The following IQCK variants were observed in gnomAD, a reference collection of about 807,000 sequenced individuals.
The protein encoded by IQCK is IQ motif containing K.
In IQCK, 29 loss-of-function variants were observed where a neutral mutation model predicts 28.1. The ratio of observed to expected loss-of-function variants is 1.03; its 90% CI spans 0.77 to 1.41. IQCK has a LOEUF of 1.41. IQCK is among the 40% of genes most tolerant of loss of function. The pLI is 0.00. For synonymous variants in IQCK, 113 were observed against 115.1 expected, an observed-to-expected ratio of 0.98 and a Z score of 0.12; for missense variants, 359 against 314.7, an observed-to-expected ratio of 1.14 and a Z score of -1.07.
chr16:19,729,054 A>G (rs1187333608), intron 1 of IQCK, among the ~76,000 whole-genome samples: 1 of 152,238 alleles, frequency 6.6e-6, no homozygotes, highest in Non-Finnish European at 1.5e-5. Context: ...TTAGGGATAT[A>G]ACTAATACTG....
intron 9 of IQCK, among the ~76,000 whole-genome samples, chr16:19,837,084 A>T (rs1218213244): frequency 6.6e-6 from 1 of 152,226 alleles, no homozygotes; most frequent in East Asian, 1.9e-4. Flanking sequence ...AAAGCATTCA[A>T]CATATCATTA....
intron 7 of IQCK, among the ~76,000 whole-genome samples, chr16:19,806,376 T>TTA (rs754764152): frequency 1.3e-4 from 20 of 150,688 alleles, no homozygotes; most frequent in East Asian, 2.0e-4. Context: ...AAAAAATACA[T>TTA]TATATATATA....
intron 7 of IQCK, among the ~76,000 whole-genome samples, chr16:19,814,945 C>T (rs540305071): frequency 6.6e-6 from 1 of 151,916 alleles, no homozygotes; most frequent in Non-Finnish European, 1.5e-5. Context: ...CACCACCACA[C>T]TTGTCTAAAA....
intron 4 of IQCK, among the ~76,000 whole-genome samples, chr16:19,760,657 G>C (rs893718253): frequency 1.3e-5 from 2 of 152,006 alleles, no homozygotes; most frequent in African/African-American, 4.8e-5. Flanking sequence ...CTGGTCTCTC[G>C]TTAGCTGGAC....
chr16:19,856,302 TC>T (rs1227577183), intron 9 of IQCK, among the ~76,000 whole-genome samples, 184 bp from the exon 9 acceptor site: 1 of 152,184 alleles, frequency 6.6e-6, no homozygotes, highest in Non-Finnish European at 1.5e-5. Context: ...TCAGGTGCTG[TC>T]CTTAGAGCAC....
At chr16:19,753,287 C>T (rs1461677465) in intron 4 of IQCK, among the ~76,000 whole-genome samples, 6 of 151,878 alleles carry the variant, frequency 4.0e-5, no homozygotes, top group Non-Finnish European at 7.4e-5. Flanking sequence ...CTGAGCATTA[C>T]AGGTGGCATG....
chr16:19,813,845 A>T (rs1683970142), intron 7 of IQCK, among the ~76,000 whole-genome samples: 1 of 151,992 alleles, frequency 6.6e-6, no homozygotes, highest in South Asian at 2.1e-4. Flanking sequence ...GTTGTTTGGG[A>T]GGAGGCTGGA....
At chr16:19,811,716 T>C (rs1282121943) in intron 7 of IQCK, among the ~76,000 whole-genome samples, 1 of 152,238 alleles carries the variant, frequency 6.6e-6, no homozygotes, top group Admixed American at 6.5e-5. Flanking sequence ...GTGCCATTCA[T>C]GTGAGCAAGA....
At chr16:19,832,099 CAT>C (rs1308823279), downstream of IQCK, among the ~76,000 whole-genome samples, 1 of 151,624 alleles carries the variant, frequency 6.6e-6, no homozygotes, top group African/African-American at 2.4e-5. Context: ...TTTAGCCTCA[CAT>C]AGTCAGTAAT....
rs200270300 is a variant in IQCK at position 19,730,387 on chromosome 16, T to C, written c.182-43T>C. 904 of 1,421,022 alleles carry C rather than the reference T, an allele frequency of 6.4e-4. 8 individuals carry two copies. The South Asian group carries it at 9.6e-3, about 15-fold the overall frequency. The allele number at this position is 1,421,022 out of a possible 1,614,324, so 88.0% of individuals were successfully genotyped here. A position where few individuals can be genotyped will look rare whatever the true frequency, so the allele number is the denominator to read the frequency against. ...GAGAAGGAAATTACACCAGAAACTC[T>C]AGTGAAGTATGGAATTGAGGATTTT... is the stretch of plus-strand genomic sequence containing the variant. On this transcript the variant is annotated intron_variant, in intron 1 of 7. Coordinates refer to ENST00000564186, the Ensembl canonical transcript of IQCK.
chr16:19,735,418 C>T (rs1977982808), exon 4 of IQCK: 1 of 1,613,680 alleles, frequency 6.2e-7, no homozygotes, highest in Non-Finnish European at 8.5e-7. Flanking sequence ...GGCTAGCCTG[C>T]TTCACCAAGC....
intron 9 of IQCK, among the ~76,000 whole-genome samples, chr16:19,852,328 C>T (rs373150244): frequency 3.9e-5 from 6 of 152,186 alleles, no homozygotes; most frequent in African/African-American, 1.4e-4. Context: ...CCTCCACAAG[C>T]CTCCAGAGGC....
At chr16:19,729,161 C>A (rs976910236) in intron 1 of IQCK, among the ~76,000 whole-genome samples, 1 of 152,108 alleles carries the variant, frequency 6.6e-6, no homozygotes, top group Admixed American at 6.6e-5. Context: ...ATTTTTGAGT[C>A]AGAGTCTCGC....
chr16:19,813,942 G>A (rs983295141), intron 7 of IQCK, among the ~76,000 whole-genome samples: 1 of 152,116 alleles, frequency 6.6e-6, no homozygotes, highest in Non-Finnish European at 1.5e-5. Context: ...ATTAGGGCTG[G>A]GTGTGGTGGC....
chr16:19,778,729 G>A (rs1404912272), intron 6 of IQCK, among the ~76,000 whole-genome samples: 1 of 152,134 alleles, frequency 6.6e-6, no homozygotes, highest in East Asian at 1.9e-4. Context: ...CAGAGAGCTG[G>A]AGAACTGCTT....
chr16:19,740,793 A>T (rs1597508663), intron 4 of IQCK, among the ~76,000 whole-genome samples: 1 of 151,178 alleles, frequency 6.6e-6, no homozygotes, highest in African/African-American at 2.4e-5. Flanking sequence ...ACATGGTGAA[A>T]CCCCATCTCT....
intron 7 of IQCK, among the ~76,000 whole-genome samples, chr16:19,811,037 A>G (rs937512739): frequency 6.6e-6 from 1 of 152,186 alleles, no homozygotes; most frequent in African/African-American, 2.4e-5. Context: ...TAATCCCAAC[A>G]CTTTGGGAGG....
At chr16:19,779,950 C>G (rs1377245731) in intron 6 of IQCK, among the ~76,000 whole-genome samples, 2 of 151,392 alleles carry the variant, frequency 1.3e-5, no homozygotes, top group African/African-American at 4.9e-5. Context: ...ATATCCTGAC[C>G]TCGTGATCCA....
intron 1 of IQCK, among the ~76,000 whole-genome samples, chr16:19,721,765 A>C (rs958609613): frequency 6.6e-6 from 1 of 151,800 alleles, no homozygotes; most frequent in Non-Finnish European, 1.5e-5. Flanking sequence ...TTTTGTAGAG[A>C]TGGGGTTTTG....
Sources: gnomAD v4.1 joint callset for allele counts (sites outside exome capture counted in the v4.1 genomes callset) on GRCh38, gnomAD v4.1.1 for gene constraint, MANE v1.5 for transcripts, NCBI Gene and HGNC (gene_info 2026-07-23, HGNC 2026-07-21) for gene names.